Variants in CSTF1 observed in about 807,000 individuals in gnomAD.
CSTF1 encodes the protein cleavage stimulation factor subunit 1, also known as CF-1 50 kDa subunit.
CSTF1 carries 2 observed loss-of-function variants against 40.9 expected under a neutral mutation model. That is an observed-to-expected ratio of 0.05 (90% CI 0.02 to 0.15). CSTF1 has a LOEUF of 0.15. CSTF1 is among the 10% of genes least tolerant of loss of function. CSTF1 has a pLI of 1.00. For synonymous variants in CSTF1, 218 were observed against 207.2 expected (o/e 1.05, Z -0.45); for missense variants, 279 against 558.9 (o/e 0.50, Z 5.05).
At chr20:56,396,705 T>A (rs1412724695) in intron 2 of CSTF1, among the ~76,000 whole-genome samples, 2 of 152,234 alleles carry the variant, frequency 1.3e-5, no homozygotes, top group African/African-American at 4.8e-5. Flanking sequence ...ATTATTTGAT[T>A]TGTCAAGTTA....
In CSTF1 at chr20:56,399,615, A is replaced by T. The variant is rs1273328299; in HGVS notation, c.1036+258A>T. Among the ~76,000 whole-genome samples the T allele has an allele frequency of 6.6e-6, 1 of 152,224 alleles. No individual in the cohort carries two copies. Among genetic ancestry groups the T allele is most frequent in the Non-Finnish European group, 1.5e-5 (1 of 68,044 alleles). On this transcript the variant is annotated intron_variant, in intron 5 of 5. Coordinates refer to ENST00000217109, the MANE Select transcript of CSTF1 (RefSeq NM_001324.3). The surrounding 1 kb of genome is among the most constrained non-coding windows in gnomAD (Gnocchi z 4.6). ...GACTAGGGCTGGATTCCATGCAAGTAACATTTGAGAACCTGGTGATCCATT... is the reference window on the plus strand; with the variant it reads ...GACTAGGGCTGGATTCCATGCAAGTTACATTTGAGAACCTGGTGATCCATT...
At chr20:56,400,007 T>C (rs1366159017) in intron 5 of CSTF1, among the ~76,000 whole-genome samples, 1 of 152,238 alleles carries the variant, frequency 6.6e-6, no homozygotes, top group African/African-American at 2.4e-5. Context: ...AAACACTGTC[T>C]TCTGTTCCTT....
rs540137777 is a variant in CSTF1 at position 56,394,901 on chromosome 20, G to C, written c.-32-620G>C. Among the ~76,000 whole-genome samples the C allele has an allele frequency of 3.9e-5, 6 of 152,154 alleles. No individual in the cohort carries two copies. The South Asian group carries it at 1.0e-3, about 26-fold the overall frequency. On this transcript the variant is annotated intron_variant, in intron 1 of 5. Transcript: ENST00000217109. Reference sequence around the variant, plus strand: ...TTGATTGGCAATATTTTATTGGGCAGCTCACCTTTGAGCCTTTCTAACGCA... The same window carrying C: ...TTGATTGGCAATATTTTATTGGGCACCTCACCTTTGAGCCTTTCTAACGCA...
intron 1 of CSTF1, among the ~76,000 whole-genome samples, chr20:56,394,140 C>A (rs891897566): frequency 1.3e-5 from 2 of 152,204 alleles, no homozygotes; most frequent in Admixed American, 6.5e-5. Flanking sequence ...CTACTATGTT[C>A]ATGTACTACT....
At position 56,405,453 on chromosome 20, in the gene CSTF1, C is replaced by T. The variant is rs111748077; in HGVS notation, c.*1726C>T. 2,889 of 152,352 alleles carry T rather than the reference C, an allele frequency of 0.019. 52 individuals are homozygous for T. Among genetic ancestry groups the T allele is most frequent in the Non-Finnish European group, 0.032 (2,195 of 68,060 alleles). 9.4% of individuals were successfully genotyped at this position (152,352 alleles called of 1,614,324 possible). ...CGAACTCCCAACCTCAGGTAATCCG[C>T]CCGCCTCAGCCTCCCAAAGTGCTAG... is the stretch of plus-strand genomic sequence containing the variant. On this transcript the variant is annotated 3_prime_UTR_variant, in exon 6 of 6. Coordinates refer to ENST00000217109, the MANE Select transcript of CSTF1 (RefSeq NM_001324.3).
In CSTF1 at chr20:56,405,254, T is replaced by A. The variant is rs1194870272; in HGVS notation, c.*1527T>A. 1 of 152,206 alleles carries A rather than the reference T, an allele frequency of 6.6e-6. No homozygotes were observed. Among genetic ancestry groups the A allele is most frequent in the Non-Finnish European group, 1.5e-5 (1 of 68,064 alleles). The allele number at this position is 152,206 out of a possible 1,614,324, so 9.4% of individuals were successfully genotyped here. On this transcript the variant is annotated 3_prime_UTR_variant, in exon 6 of 6. Coordinates refer to ENST00000217109, the MANE Select transcript of CSTF1 (RefSeq NM_001324.3). ...GGAGTTTCGCTCTTGTCCCCCAGGC[T>A]TTAGTGCAATGGCGCGATCTCGGCT... is the stretch of plus-strand genomic sequence containing the variant.
chr20:56,392,691 T>G lies in CSTF1; in HGVS notation c.-55T>G, dbSNP rs932491788. 2 of 152,084 alleles carry G rather than the reference T, an allele frequency of 1.3e-5. No individual in the cohort carries two copies. The highest frequency in any genetic ancestry group is 2.4e-5 in the African/African-American group (1 of 41,412). The allele number at this position is 152,084 out of a possible 1,614,324, so 9.4% of individuals were successfully genotyped here. A position where few individuals can be genotyped will look rare whatever the true frequency, so the allele number is the denominator to read the frequency against. ...TCCATTTTTCCAGGAGAGAGCGGGA[T>G]ACCAAGAGAACCGGACCAGCTGGTA... On this transcript the variant is annotated 5_prime_UTR_variant, in exon 1 of 6. Transcript: ENST00000217109.
chr20:56,402,199 C>T (rs1032261283), intron 5 of CSTF1, among the ~76,000 whole-genome samples: 5 of 151,760 alleles, frequency 3.3e-5, no homozygotes, highest in African/African-American at 1.2e-4. Flanking sequence ...CCCAGCTACT[C>T]AGGAGGCTGA....
At chr20:56,402,853 C>A (rs763862022) in intron 5 of CSTF1, among the ~76,000 whole-genome samples, 14 of 150,788 alleles carry the variant, frequency 9.3e-5, no homozygotes, top group Non-Finnish European at 1.6e-4. Flanking sequence ...GAGAATCACT[C>A]GAACCCAGGA....
In CSTF1 at chr20:56,404,597, C is replaced by G. The variant is rs1978625763; in HGVS notation, c.*870C>G. ...TGGAGGCACATAGTAACTGCATTCT[C>G]AGAAGATTTATGCAGTTAACCAATT... On this transcript the variant is annotated 3_prime_UTR_variant, in exon 6 of 6. Coordinates refer to ENST00000217109, the MANE Select transcript of CSTF1 (RefSeq NM_001324.3). 6.6e-6 allele frequency: 1 copy of G among 151,850 alleles called. No individual in the cohort carries two copies. The highest frequency in any genetic ancestry group is 1.5e-5 in the Non-Finnish European group (1 of 67,972). 9.4% of individuals were successfully genotyped at this position (151,850 alleles called of 1,614,324 possible).
At position 56,399,145 on chromosome 20, in the gene CSTF1, A is replaced by G. The variant is rs747029931; in HGVS notation, c.824A>G (p.Asn275Ser). Residue 275 changes from asparagine (N) to serine (S), a missense_variant, in exon 5 of 6, where the codon AAT becomes AGT. By Grantham distance (46) the Asn-to-Ser change is conservative. Transcript: ENST00000217109. The surrounding 1 kb of genome is among the most constrained non-coding windows in gnomAD (Gnocchi z 4.6). ...ICSVNYNSSA[N>S]MYVTGSKDGC... Reference sequence around the variant, plus strand: ...TCCGTTAATTACAATTCTAGTGCCAATATGTACGTAACTGGAAGCAAGGAC... The same window carrying G: ...TCCGTTAATTACAATTCTAGTGCCAGTATGTACGTAACTGGAAGCAAGGAC... 2.5e-6 allele frequency: 4 copies of G among 1,614,080 alleles called. No individual in the cohort carries two copies. The highest frequency in any genetic ancestry group is 1.1e-5 in the South Asian group (1 of 91,092).
Position 56,397,171 on chromosome 20 carries a change from T to G in CSTF1, c.170-36T>G. 6.3e-7 allele frequency: 1 copy of G among 1,583,402 alleles called. No individual in the cohort carries two copies. ...TCTTGGCCTTTTTAAGAAAAAACAC[T>G]TGTTTTGTTACGCCCTTAATTTTGA... is the stretch of plus-strand genomic sequence containing the variant. On this transcript the variant is annotated intron_variant, in intron 2 of 5. Transcript: ENST00000217109. This position sits in a 1 kb window ranked among gnomAD's most constrained non-coding sequence, Gnocchi z 4.4.
In CSTF1 at chr20:56,406,210, T is replaced by C. The variant is rs1978697778; in HGVS notation, c.*2483T>C. On this transcript the variant is annotated 3_prime_UTR_variant, in exon 6 of 6. Transcript: ENST00000217109. ...AGCCTGGTGTAAATGCCAGGAATAT[T>C]ATATGGACTTAGTATCTGCATCTCG... The C allele has an allele frequency of 6.6e-6, 1 of 152,186 alleles. No homozygotes were observed. 9.4% of individuals were successfully genotyped at this position (152,186 alleles called of 1,614,324 possible). A position where few individuals can be genotyped will look rare whatever the true frequency, so the allele number is the denominator to read the frequency against.
At position 56,398,998 on chromosome 20, in the gene CSTF1, A is replaced by G; in HGVS notation, c.677A>G (p.His226Arg). 6.2e-7 allele frequency: 1 copy of G among 1,612,438 alleles called. No homozygotes were observed. Among genetic ancestry groups the G allele is most frequent in the Non-Finnish European group, 8.5e-7 (1 of 1,179,088 alleles). Residue 226 changes from histidine (H) to arginine (R), a missense_variant, in exon 5 of 6, where the codon CAT (histidine) becomes CGT (arginine). This residue lies in a region of CSTF1 where 162 missense variants were observed against 337.1 expected (regional missense o/e 0.48). Transcript: ENST00000217109. ...EAEMLRSISF[H>R]PSGDFILVGT... ...GAAATGTTACGTTCCATCTCTTTTC[A>G]TCCTTCTGGAGACTTTATACTTGTC... is the stretch of plus-strand genomic sequence containing the variant.
rs186230676 is a variant in CSTF1 at position 56,401,336 on chromosome 20, G to A, written c.1036+1979G>A. Among the ~76,000 whole-genome samples the A allele has an allele frequency of 2.6e-3, 394 of 152,288 alleles. 1 individual carries two copies. The highest frequency in any genetic ancestry group is 4.2e-3 in the Non-Finnish European group (287 of 68,028). ...ATGGTCAGGAAATGTAAGAAAAGGT[G>A]GCCAGCCTTGCTGCAGACCCAAGAA... is the stretch of plus-strand genomic sequence containing the variant. On this transcript the variant is annotated intron_variant, in intron 5 of 5. Coordinates refer to ENST00000217109, the MANE Select transcript of CSTF1 (RefSeq NM_001324.3).
chr20:56,392,800 G>A (rs546000099), intron 1 of CSTF1, 87 bp downstream of exon 1: 3 of 152,378 alleles, frequency 2.0e-5, no homozygotes, highest in South Asian at 4.1e-4. Context: ...GACTGGAAGA[G>A]TCGAGAGTTA....
At position 56,392,720 on chromosome 20, in the gene CSTF1, G is replaced by A. The variant is rs1363146030; in HGVS notation, c.-33+7G>A. On this transcript the variant is annotated splice_region_variant and intron_variant, in intron 1 of 5. Coordinates refer to ENST00000217109, the MANE Select transcript of CSTF1 (RefSeq NM_001324.3). ...AAGAGAACCGGACCAGCTGGTACTG[G>A]GACACGGGGAGAGTAGCTGGTGCGG... The A allele has an allele frequency of 6.6e-6, 1 of 152,250 alleles. No homozygotes were observed. Among genetic ancestry groups the A allele is most frequent in the Middle Eastern group, 3.1e-3 (1 of 318 alleles). 9.4% of individuals were successfully genotyped at this position (152,250 alleles called of 1,614,324 possible).
chr20:56,399,344 G>T lies in CSTF1; in HGVS notation c.1023G>T (p.Leu341=). 6.2e-7 allele frequency: 1 copy of T among 1,609,950 alleles called. No homozygotes were observed. Residue 341 remains leucine, a synonymous_variant, in exon 5 of 6, where the codon CTG becomes CTT. Transcript: ENST00000217109. This position sits in a 1 kb window ranked among gnomAD's most constrained non-coding sequence, Gnocchi z 4.6. ...KLWEISTGRT[L]VRYTGAGLSG... ...GGGAAATATCAACGGGACGAACACT[G>T]GTCAGATACACGGGTATGTGAGACG... is the stretch of plus-strand genomic sequence containing the variant.
At chr20:56,402,933 A>G (rs1221403827) in intron 5 of CSTF1, among the ~76,000 whole-genome samples, 1 of 124,312 alleles carries the variant, frequency 8.0e-6, no homozygotes, top group South Asian at 2.4e-4. Flanking sequence ...GACTCTGTCT[A>G]AAAAAAAAAA....
Sources: allele counts gnomAD v4.1 joint callset (sites outside exome capture counted in the v4.1 genomes callset), GRCh38; gene constraint gnomAD v4.1.1; regional missense constraint gnomAD v4.1.1; non-coding constraint Gnocchi (gnomAD v3.1); transcripts MANE v1.5; gene names NCBI Gene and HGNC (gene_info 2026-07-23, HGNC 2026-07-21).